The following GMDS variants were observed in gnomAD, a reference collection of about 807,000 sequenced individuals.
The protein encoded by GMDS is GDP-mannose 4,6-dehydratase, also known as GDP-mannose 4,6 dehydratase.
In GMDS, 20 loss-of-function variants were observed where a neutral mutation model predicts 49.9. The ratio of observed to expected loss-of-function variants is 0.40; its 90% CI spans 0.28 to 0.58. The LOEUF is 0.58. Ranked by LOEUF, GMDS falls within the 20% of genes least tolerant of loss-of-function variation. The probability of loss-of-function intolerance (pLI) is 0.42; values close to 1 mark genes in which losing one functional copy is unlikely to be tolerated. For synonymous variants in GMDS, 177 were observed against 178.6 expected, an observed-to-expected ratio of 0.99 and a Z score of 0.07; for missense variants, 362 against 481.4, an observed-to-expected ratio of 0.75 and a Z score of 2.32.
chr6:2,027,551 C>T (rs916408681), intron 4 of GMDS, among the ~76,000 whole-genome samples: 1 of 152,084 alleles, frequency 6.6e-6, no homozygotes, highest in African/African-American at 2.4e-5. Context: ...AAATCATCAA[C>T]ATAATGATAA....
chr6:1,822,552 T>C (rs1395645151), intron 7 of GMDS, among the ~76,000 whole-genome samples: 2 of 152,218 alleles, frequency 1.3e-5, no homozygotes, highest in African/African-American at 4.8e-5. Flanking sequence ...AAAATATTGA[T>C]ATTTTTCTAG....
intron 4 of GMDS, among the ~76,000 whole-genome samples, chr6:1,978,792 C>A (rs1396691468): frequency 2.0e-5 from 3 of 152,064 alleles, no homozygotes; most frequent in Admixed American, 6.6e-5. Flanking sequence ...CTTGTTCCTC[C>A]TGAGTGGGTG....
At chr6:1,938,575 T>C (rs2127256359) in intron 6 of GMDS, among the ~76,000 whole-genome samples, 1 of 152,292 alleles carries the variant, frequency 6.6e-6, no homozygotes, top group East Asian at 1.9e-4. Context: ...TAATGTCTTT[T>C]TTTCTCCTGT....
intron 4 of GMDS, among the ~76,000 whole-genome samples, chr6:2,059,009 C>T (rs137944393): frequency 1.3e-5 from 2 of 151,956 alleles, no homozygotes; most frequent in South Asian, 4.2e-4. Context: ...AACCCCATCT[C>T]TACTAAAAAC....
chr6:1,694,670 A>G (rs1765278307), intron 9 of GMDS, among the ~76,000 whole-genome samples: 2 of 152,240 alleles, frequency 1.3e-5, no homozygotes, highest in Admixed American at 1.3e-4. Flanking sequence ...TAGCATAGCA[A>G]GAGGTGGAAA....
At chr6:2,066,471 G>A (rs1771600454) in intron 4 of GMDS, among the ~76,000 whole-genome samples, 2 of 151,026 alleles carry the variant, frequency 1.3e-5, no homozygotes, top group African/African-American at 4.9e-5. Flanking sequence ...ACACAGACTG[G>A]CAAATTGGAT....
chr6:2,183,986 CTT>C (rs1457138913), intron 1 of GMDS, among the ~76,000 whole-genome samples: 19 of 152,226 alleles, frequency 1.2e-4, no homozygotes, highest in East Asian at 1.2e-3. Flanking sequence ...CACAACATAA[CTT>C]ATATATGCAT....
chr6:1,627,520 C>T (rs1762880092), intron 9 of GMDS, among the ~76,000 whole-genome samples: 1 of 152,198 alleles, frequency 6.6e-6, no homozygotes, highest in Non-Finnish European at 1.5e-5. Flanking sequence ...TCCCTTTAAT[C>T]TTTACCTCCC....
intron 1 of GMDS, among the ~76,000 whole-genome samples, chr6:2,199,454 A>C (rs1342476779): frequency 6.6e-6 from 1 of 152,130 alleles, no homozygotes; most frequent in Non-Finnish European, 1.5e-5. Context: ...TGGCCTACAC[A>C]ATCCATTTAC....
intron 4 of GMDS, among the ~76,000 whole-genome samples, chr6:2,095,162 T>A (rs1773524066): frequency 6.6e-6 from 1 of 152,172 alleles, no homozygotes; most frequent in Non-Finnish European, 1.5e-5. Flanking sequence ...GTCGGCCAGG[T>A]TGCAGTGGTG....
chr6:1,900,217 T>C (rs1760429943), intron 7 of GMDS, among the ~76,000 whole-genome samples: 1 of 152,194 alleles, frequency 6.6e-6, no homozygotes, highest in African/African-American at 2.4e-5. Flanking sequence ...GTGACCTCCA[T>C]GGAGTTCCAA....
chr6:1,911,771 C>A (rs1456171239), intron 7 of GMDS, among the ~76,000 whole-genome samples: 1 of 152,072 alleles, frequency 6.6e-6, no homozygotes, highest in Non-Finnish European at 1.5e-5. Context: ...CTTTTATTAG[C>A]CTCAATTTTT....
chr6:1,751,028 C>T (rs1187570740), intron 7 of GMDS, among the ~76,000 whole-genome samples: 1 of 152,214 alleles, frequency 6.6e-6, no homozygotes, highest in African/African-American at 2.4e-5. Context: ...CTAGATTCCT[C>T]CTCTCTGGGC....
intron 4 of GMDS, among the ~76,000 whole-genome samples, chr6:2,051,228 G>A (rs1023130756): frequency 7.2e-5 from 11 of 152,278 alleles, no homozygotes; most frequent in Admixed American, 2.0e-4. Flanking sequence ...GAAGGACACC[G>A]CCTGCCAGTG....
intron 9 of GMDS, among the ~76,000 whole-genome samples, chr6:1,638,616 G>A (rs1271388525): frequency 6.6e-6 from 1 of 151,600 alleles, no homozygotes; most frequent in Non-Finnish European, 1.5e-5. Flanking sequence ...TTTGAGGATG[G>A]CAAGGAACAC....
chr6:2,124,880 T>G, intron 1 of GMDS, 149 bp from the exon 2 acceptor site: 2 of 648,680 alleles, frequency 3.1e-6, no homozygotes, highest in East Asian at 5.5e-5. Context: ...ATAATGTCAA[T>G]AAATACCACA....
intron 4 of GMDS, among the ~76,000 whole-genome samples, chr6:1,983,404 C>A (rs1221071474): frequency 1.3e-5 from 2 of 152,106 alleles, no homozygotes; most frequent in Non-Finnish European, 2.9e-5. Context: ...AGAAGAGCTT[C>A]TGTACAGCAA....
At chr6:1,660,649 G>A (rs1286328024) in intron 9 of GMDS, among the ~76,000 whole-genome samples, 3 of 150,636 alleles carry the variant, frequency 2.0e-5, no homozygotes, top group Non-Finnish European at 4.4e-5. Flanking sequence ...TGCGAGACGC[G>A]GGGATGCAGA....
At chr6:1,712,186 G>A (rs1765996836) in intron 9 of GMDS, among the ~76,000 whole-genome samples, 1 of 152,192 alleles carries the variant, frequency 6.6e-6, no homozygotes, top group African/African-American at 2.4e-5. Context: ...GATTAATCCA[G>A]ACTCTTGGTT....
Sources: gnomAD v4.1 joint callset for allele counts (sites outside exome capture counted in the v4.1 genomes callset) on GRCh38, gnomAD v4.1.1 for gene constraint, MANE v1.5 for transcripts, NCBI Gene and HGNC (gene_info 2026-07-23, HGNC 2026-07-21) for gene names.